The following ATXN10 variants were observed in gnomAD, a reference collection of about 807,000 sequenced individuals.
The protein encoded by ATXN10 is ataxin-10.
In ATXN10, 28 loss-of-function variants were observed where a neutral mutation model predicts 52.9. That is an observed-to-expected ratio of 0.53 (90% CI 0.39 to 0.73). ATXN10 has a LOEUF of 0.73. Ranked by LOEUF, ATXN10 falls within the 30% of genes least tolerant of loss-of-function variation. The pLI, the probability that ATXN10 is intolerant of heterozygous loss-of-function variation, is 0.00. For missense variants in ATXN10, 565 were observed against 577.0 expected, an observed-to-expected ratio of 0.98 and a Z score of 0.21; for synonymous variants, 226 against 221.5, an observed-to-expected ratio of 1.02 and a Z score of -0.18.
intron 3 of ATXN10, among the ~76,000 whole-genome samples, chr22:45,694,763 CAA>C (rs995776834): frequency 1.3e-5 from 2 of 150,546 alleles, no homozygotes; most frequent in African/African-American, 4.9e-5. Context: ...GCCTGGGTGA[CAA>C]GAGTGAAATT....
intron 6 of ATXN10, among the ~76,000 whole-genome samples, chr22:45,720,288 C>T (rs945937180): frequency 1.3e-5 from 2 of 151,716 alleles, no homozygotes; most frequent in South Asian, 2.1e-4. Flanking sequence ...TGGTAAATCA[C>T]ACATAATATA....
rs1650821923 is a variant in ATXN10 at position 45,728,595 on chromosome 22, T to G, written c.729-830T>G. On this transcript the variant is annotated intron_variant, in intron 6 of 11. Transcript: ENST00000252934. The surrounding 1 kb of genome is among the most constrained non-coding windows in gnomAD (Gnocchi z 4.3). ...CTTATTTGCTAATAAGCAGTTTAGATGTTCGTACCCTGTCTTCTATAGAAA... is the reference window on the plus strand; with the variant it reads ...CTTATTTGCTAATAAGCAGTTTAGAGGTTCGTACCCTGTCTTCTATAGAAA... 6.6e-6 allele frequency among the ~76,000 whole-genome samples: 1 copy of G among 152,218 alleles called. No homozygotes were observed. The highest frequency in any genetic ancestry group is 1.5e-5 in the Non-Finnish European group (1 of 68,036).
chr22:45,765,835 A>G (rs1926562567), intron 9 of ATXN10, among the ~76,000 whole-genome samples: 2 of 152,210 alleles, frequency 1.3e-5, no homozygotes, highest in Admixed American at 1.3e-4. Context: ...TACAAATTTA[A>G]TATGATCCCA....
intron 6 of ATXN10, among the ~76,000 whole-genome samples, chr22:45,724,283 C>T (rs1159741915): frequency 6.6e-6 from 1 of 152,180 alleles, no homozygotes; most frequent in East Asian, 1.9e-4. Flanking sequence ...ACTTTCCCCC[C>T]AGCATTGTAT....
chr22:45,782,865 G>C (rs1406098123), intron 9 of ATXN10, among the ~76,000 whole-genome samples: 1 of 152,188 alleles, frequency 6.6e-6, no homozygotes, highest in Non-Finnish European at 1.5e-5. Context: ...CCCTATGTAT[G>C]TGAGGTTTTG....
intron 10 of ATXN10, among the ~76,000 whole-genome samples, chr22:45,827,490 A>G (rs1270275649): frequency 1.3e-5 from 2 of 152,214 alleles, no homozygotes; most frequent in African/African-American, 2.4e-5. Context: ...AAGTGGTAAG[A>G]GAGAGCAGAC....
chr22:45,692,111 T>G lies in ATXN10; in HGVS notation c.309-885T>G, dbSNP rs79309551. On this transcript the variant is annotated intron_variant, in intron 2 of 11. Transcript: ENST00000252934. ...TGCCTAATGCACATTGTGTGCTCAG[T>G]AAACATTAAATGTTTCTGCCTCTGC... Among the ~76,000 whole-genome samples the G allele has an allele frequency of 1.2e-3, 185 of 152,372 alleles. 1 individual carries two copies. The highest frequency in any genetic ancestry group is 4.2e-3 in the African/African-American group (174 of 41,596).
intron 6 of ATXN10, among the ~76,000 whole-genome samples, chr22:45,726,983 G>A (rs920797408): frequency 9.2e-5 from 14 of 152,094 alleles, no homozygotes; most frequent in Non-Finnish European, 2.1e-4. Flanking sequence ...ACCTGGCCTA[G>A]TTGGTTCTGT....
At chr22:45,773,121 T>A (rs994744464) in intron 9 of ATXN10, among the ~76,000 whole-genome samples, 56 of 152,214 alleles carry the variant, frequency 3.7e-4, no homozygotes, top group African/African-American at 1.2e-3. Context: ...TGTTACTTTT[T>A]AAAAATAGCC....
chr22:45,713,737 C>T (rs1415343422), intron 5 of ATXN10, among the ~76,000 whole-genome samples: 1 of 152,176 alleles, frequency 6.6e-6, no homozygotes, highest in Non-Finnish European at 1.5e-5. Context: ...TTCTTCCAAC[C>T]ACAACCCCTA....
intron 10 of ATXN10, chr22:45,811,635 T>C: frequency 4.5e-6 from 2 of 449,410 alleles, no homozygotes; most frequent in South Asian, 3.3e-5. Context: ...CTAGGTAATA[T>C]AGCCTAGAAT....
chr22:45,831,362 C>T (rs1928986540), intron 10 of ATXN10, among the ~76,000 whole-genome samples: 1 of 151,756 alleles, frequency 6.6e-6, no homozygotes, highest in South Asian at 2.1e-4. Flanking sequence ...TTACGTGTAC[C>T]TTACCACAGT....
intron 9 of ATXN10, among the ~76,000 whole-genome samples, chr22:45,753,011 G>A (rs1297755911): frequency 6.6e-6 from 1 of 152,182 alleles, no homozygotes; most frequent in Admixed American, 6.5e-5. Flanking sequence ...TGGGATTACA[G>A]GCGTAAGCTA....
chr22:45,839,797 A>G (rs1023470), intron 10 of ATXN10, among the ~76,000 whole-genome samples: 35,702 of 152,088 alleles, frequency 0.23, 4,698 homozygotes, highest in East Asian at 0.54. Flanking sequence ...CCTGGGTTGC[A>G]TTTATATCGG....
intron 3 of ATXN10, among the ~76,000 whole-genome samples, chr22:45,695,151 C>T (rs1923553186): frequency 1.3e-5 from 2 of 150,810 alleles, no homozygotes; most frequent in Non-Finnish European, 2.9e-5. Context: ...GGTGAAACCC[C>T]GTCTCTAGTA....
intron 10 of ATXN10, among the ~76,000 whole-genome samples, chr22:45,815,878 G>T (rs780527239): frequency 1.3e-5 from 2 of 152,148 alleles, no homozygotes; most frequent in Non-Finnish European, 2.9e-5. Flanking sequence ...TGAGGGACAG[G>T]TGACTATACA....
chr22:45,740,103 A>G (rs375071636), intron 8 of ATXN10, among the ~76,000 whole-genome samples: 5 of 152,322 alleles, frequency 3.3e-5, no homozygotes, highest in East Asian at 3.9e-4. Flanking sequence ...TTTTTTGTAG[A>G]TAAATAGAAA....
rs931533013 is a variant in ATXN10 at position 45,837,114 on chromosome 22, C to G, written c.1238-5877C>G. 7.2e-5 allele frequency among the ~76,000 whole-genome samples: 11 copies of G among 152,120 alleles called. No individual in the cohort carries two copies. Among genetic ancestry groups the G allele is most frequent in the Non-Finnish European group, 1.3e-4 (9 of 68,020 alleles). On this transcript the variant is annotated intron_variant, in intron 10 of 11. Transcript: ENST00000252934. The surrounding 1 kb of genome is among the most constrained non-coding windows in gnomAD (Gnocchi z 5.8). ...GGATGCGAAAACAATGCAGATATTA[C>G]ATATAATATATGTATCTGTTATACA... is the stretch of plus-strand genomic sequence containing the variant.
Position 45,842,909 on chromosome 22 carries a change from C to T in ATXN10, c.1238-82C>T, listed in dbSNP as rs1169261953. 10 of 1,456,526 alleles carry T rather than the reference C, an allele frequency of 6.9e-6. No individual in the cohort carries two copies. The highest frequency in any genetic ancestry group is 2.8e-5 in the African/African-American group (2 of 71,644). 90.2% of individuals were successfully genotyped at this position (1,456,526 alleles called of 1,614,324 possible). ...ACTGGATGTTCCGTGTTTCTGTGCT[C>T]CTCTACTCCTTTTCTGATAATTCTT... is the stretch of plus-strand genomic sequence containing the variant. On this transcript the variant is annotated intron_variant, in intron 10 of 11. Transcript: ENST00000252934. The surrounding 1 kb of genome is among the most constrained non-coding windows in gnomAD (Gnocchi z 4.8).
Sources: allele counts gnomAD v4.1 joint callset (sites outside exome capture counted in the v4.1 genomes callset), GRCh38; gene constraint gnomAD v4.1.1; non-coding constraint Gnocchi (gnomAD v3.1); transcripts MANE v1.5; gene names NCBI Gene and HGNC (gene_info 2026-07-23, HGNC 2026-07-21).